DTNBP1: variants seen among roughly 807,000 people sequenced by gnomAD.
DTNBP1 encodes dystrobrevin binding protein 1.
A neutral mutation model predicts 42.8 loss-of-function variants in DTNBP1; 35 were observed. That is an observed-to-expected ratio of 0.82 (90% CI 0.63 to 1.09). The LOEUF (loss-of-function observed/expected upper bound fraction) is 1.09. DTNBP1 is among the 50% of genes least tolerant of loss of function. DTNBP1 has a pLI of 0.00. For missense variants in DTNBP1, 457 were observed against 424.2 expected (o/e 1.08, Z -0.68); for synonymous variants, 171 against 162.2 (o/e 1.05, Z -0.41).
At chr6:15,549,490 T>TAAAAA (rs1561952291) in intron 7 of DTNBP1, among the ~76,000 whole-genome samples, 1 of 101,800 alleles carries the variant, frequency 9.8e-6, no homozygotes, top group Non-Finnish European at 1.8e-5. Flanking sequence ...GTCTCAGGGA[T>TAAAAA]TAAAAAAAAA....
At position 15,553,594 on chromosome 6, in the gene DTNBP1, CT is replaced by C. The variant is rs56173414; in HGVS notation, c.512-20200del. The stretch of plus-strand genomic sequence containing the variant: ...CAGTTCAATGCTCTTGACAAGTGAG[CT>C]TTTTTTTTTTTGGCCTCAGACAGCT... On this transcript the variant is annotated intron_variant, in intron 7 of 9. Transcript: ENST00000344537. 1.2e-3 allele frequency among the ~76,000 whole-genome samples: 85 copies of C among 72,892 alleles called. 1 individual carries two copies. The highest frequency in any genetic ancestry group is 1.3e-3 in the South Asian group (2 of 1,568). 47.8% of individuals were successfully genotyped at this position (72,892 alleles called of 152,430 possible).
intron 7 of DTNBP1, among the ~76,000 whole-genome samples, chr6:15,547,968 GA>G (rs1345912620): frequency 2.0e-5 from 3 of 152,202 alleles, no homozygotes; most frequent in African/African-American, 7.2e-5. Flanking sequence ...TTTTAGAGAA[GA>G]AAAAATACAT....
intron 7 of DTNBP1, among the ~76,000 whole-genome samples, chr6:15,592,013 T>C (rs1030223218): frequency 6.6e-6 from 1 of 152,186 alleles, no homozygotes; most frequent in Non-Finnish European, 1.5e-5. Context: ...TTCAACAAAC[T>C]GGCCATGAAC....
intron 3 of DTNBP1, among the ~76,000 whole-genome samples, chr6:15,642,369 G>T (rs1400408306): frequency 6.6e-6 from 1 of 152,140 alleles, no homozygotes; most frequent in Non-Finnish European, 1.5e-5. Context: ...TGAGGAGTGG[G>T]TGTACCCACC....
chr6:15,648,780 A>G (rs1760827162), intron 3 of DTNBP1, among the ~76,000 whole-genome samples: 1 of 152,138 alleles, frequency 6.6e-6, no homozygotes, highest in South Asian at 2.1e-4. Flanking sequence ...ATGGATTGGA[A>G]TACTTAACAT....
intron 6 of DTNBP1, among the ~76,000 whole-genome samples, chr6:15,598,538 G>A (rs1490169346): frequency 6.6e-6 from 1 of 152,138 alleles, no homozygotes; most frequent in African/African-American, 2.4e-5. Context: ...ATGGCTGATG[G>A]ACAGAACCTA....
chr6:15,612,231 T>A (rs1482105713), intron 6 of DTNBP1, among the ~76,000 whole-genome samples: 2 of 152,244 alleles, frequency 1.3e-5, no homozygotes, highest in Non-Finnish European at 2.9e-5. Flanking sequence ...CACTGAAGGC[T>A]GATGATCATC....
chr6:15,544,465 G>A (rs1056907658), intron 7 of DTNBP1, among the ~76,000 whole-genome samples: 10 of 152,128 alleles, frequency 6.6e-5, no homozygotes, highest in Non-Finnish European at 1.3e-4. Flanking sequence ...TTCATTTTTC[G>A]GTTTTGAAAG....
At chr6:15,639,715 T>G (rs1276224751) in intron 3 of DTNBP1, among the ~76,000 whole-genome samples, 1 of 152,182 alleles carries the variant, frequency 6.6e-6, no homozygotes, top group Non-Finnish European at 1.5e-5. Context: ...AGATATAAAT[T>G]TTACTTTTGC....
chr6:15,523,624 A>G, intron 9 of DTNBP1: 1 of 1,286,544 alleles, frequency 7.8e-7, no homozygotes, highest in Non-Finnish European at 1.0e-6. Flanking sequence ...AGTCGGAATT[A>G]CTGACCTTCA....
intron 6 of DTNBP1, among the ~76,000 whole-genome samples, chr6:15,594,763 C>CT (rs536279234): frequency 0.06 from 8,861 of 147,772 alleles, 397 homozygotes; most frequent in African/African-American, 0.12. Context: ...ATGAGTAATT[C>CT]TTTTTTTTTT....
chr6:15,626,810 C>T (rs925699849), intron 5 of DTNBP1, among the ~76,000 whole-genome samples: 2 of 151,922 alleles, frequency 1.3e-5, no homozygotes, highest in Non-Finnish European at 2.9e-5. Context: ...GATTCAAACT[C>T]CTGGGCTCAA....
chr6:15,645,703 A>G (rs1186565598), intron 3 of DTNBP1, among the ~76,000 whole-genome samples: 1 of 152,006 alleles, frequency 6.6e-6, no homozygotes, highest in African/African-American at 2.4e-5. Context: ...ATCTTCTCAA[A>G]AGACACAGAA....
intron 5 of DTNBP1, among the ~76,000 whole-genome samples, chr6:15,623,146 G>T (rs1448872112): frequency 6.6e-6 from 1 of 152,198 alleles, no homozygotes; most frequent in Non-Finnish European, 1.5e-5. Context: ...AGCCTAAAAG[G>T]TGTCTAAGAG....
rs368836615 is a variant in DTNBP1 at position 15,662,271 on chromosome 6, C to T, written c.56+543G>A. ...GAAAGGACGCAACGGGGAGGGGCGG[C>T]CAGCCTTGCCAAGGGTTAGGCCGGC... is the stretch of plus-strand genomic sequence containing the variant. On this transcript the variant is annotated intron_variant, in intron 1 of 9. Transcript: ENST00000344537. Among the ~76,000 whole-genome samples, 18 of 152,142 alleles carry T rather than the reference C, an allele frequency of 1.2e-4. 1 individual carries two copies. In the East Asian group the frequency reaches 3.1e-3, roughly 26 times the overall value.
intron 3 of DTNBP1, among the ~76,000 whole-genome samples, chr6:15,640,542 T>C (rs1415796140): frequency 6.6e-6 from 1 of 152,240 alleles, no homozygotes; most frequent in African/African-American, 2.4e-5. Flanking sequence ...AACACACAGG[T>C]AAATAATTAC....
At chr6:15,620,370 T>C (rs1581401808) in intron 5 of DTNBP1, among the ~76,000 whole-genome samples, 1 of 152,194 alleles carries the variant, frequency 6.6e-6, no homozygotes, top group Admixed American at 6.5e-5. Flanking sequence ...ATATATTTTT[T>C]TGTAGAGACG....
chr6:15,541,674 T>C (rs1199052299), intron 7 of DTNBP1, among the ~76,000 whole-genome samples: 1 of 152,226 alleles, frequency 6.6e-6, no homozygotes, highest in Non-Finnish European at 1.5e-5. Context: ...ACTTCCACTT[T>C]AGTTACCACT....
chr6:15,605,066 A>G (rs1757963685), intron 6 of DTNBP1, among the ~76,000 whole-genome samples: 1 of 152,224 alleles, frequency 6.6e-6, no homozygotes. Flanking sequence ...ACTGTTCTTC[A>G]AGATGTTACT....
Sources: gnomAD v4.1 joint callset for allele counts (sites outside exome capture counted in the v4.1 genomes callset) on GRCh38, gnomAD v4.1.1 for gene constraint, MANE v1.5 for transcripts, NCBI Gene and HGNC (gene_info 2026-07-23, HGNC 2026-07-21) for gene names.